The following KLHL1 variants were observed in gnomAD, a reference collection of about 807,000 sequenced individuals.
KLHL1 encodes the protein kelch like family member 1, also known as kelch-like protein 1.
Under a neutral mutation model 77.7 loss-of-function variants are expected in KLHL1, and 47 were observed. That is an observed-to-expected ratio of 0.60 (90% confidence interval 0.48 to 0.77). The LOEUF is 0.77. KLHL1 is among the 30% of genes least tolerant of loss of function. The pLI is 0.00. For synonymous variants in KLHL1, 360 were observed against 325.2 expected (o/e 1.11, Z -1.15); for missense variants, 925 against 910.8 (o/e 1.02, Z -0.20).
intron 1 of KLHL1, among the ~76,000 whole-genome samples, chr13:69,978,281 A>G (rs4612945): frequency 0.34 from 50,579 of 150,866 alleles, 9,156 homozygotes; most frequent in African/African-American, 0.47. Context: ...GTAGGCTGCC[A>G]AATGGACCAA....
intron 5 of KLHL1, among the ~76,000 whole-genome samples, chr13:69,854,440 C>G (rs1294617140): frequency 6.6e-6 from 1 of 151,900 alleles, no homozygotes; most frequent in Non-Finnish European, 1.5e-5. Flanking sequence ...AGGAGAGCAC[C>G]ATGCTACTCA....
rs2138195377 is a variant in KLHL1, at chr13:69,882,387, T to C, written c.1123A>G (p.Ile375Val). ...ACCCACATCATCAATGCATGGAAGA[T>C]GGTTTCTTCATCAGGAACATTGACA... is the stretch of plus-strand genomic sequence containing the variant. ...DDVNVPDEET[I>V]FHALMMWVKY... Residue 375 changes from isoleucine to valine, a missense_variant, in exon 5 of 11, where the codon ATC becomes GTC. Transcript: ENST00000377844. 5 of 1,613,508 alleles carry C rather than the reference T, an allele frequency of 3.1e-6. No homozygotes were observed. The Middle Eastern group carries it at 4.9e-4, about 160-fold the overall frequency.
At chr13:69,926,961 A>AAAAAAAAAAAAAAAAC (rs1882837293) in intron 4 of KLHL1, among the ~76,000 whole-genome samples, 1 of 149,158 alleles carries the variant, frequency 6.7e-6, no homozygotes, top group African/African-American at 2.4e-5. Flanking sequence ...AAAAAAAAAA[A>AAAAAAAAAAAAAAAAC]AAAAAAAAAG....
chr13:69,993,140 A>G lies in KLHL1; in HGVS notation c.498-17338T>C, dbSNP rs1446087220. Among the ~76,000 whole-genome samples the G allele has an allele frequency of 2.0e-5, 3 of 152,038 alleles. No individual in the cohort carries two copies. In the Admixed American group the frequency reaches 2.0e-4, roughly 10 times the overall value. On this transcript the variant is annotated intron_variant, in intron 1 of 10. Transcript: ENST00000377844. The stretch of plus-strand genomic sequence containing the variant: ...TCATGTTGGACCCCTATTGACTTCA[A>G]TAGGAATAACACTACGTTCTAGAGG...
At chr13:69,912,734 C>T (rs1400622056) in intron 4 of KLHL1, among the ~76,000 whole-genome samples, 3 of 152,144 alleles carry the variant, frequency 2.0e-5, no homozygotes, top group Non-Finnish European at 4.4e-5. Context: ...CTTATCTCAA[C>T]TCTGCTGGGA....
chr13:70,070,726 C>G (rs1251613843), intron 1 of KLHL1, among the ~76,000 whole-genome samples: 1 of 152,024 alleles, frequency 6.6e-6, no homozygotes, highest in Middle Eastern at 3.2e-3. Context: ...AACAGCAACA[C>G]TGTATTTGTT....
chr13:69,764,665 A>G (rs1425991798), intron 7 of KLHL1, among the ~76,000 whole-genome samples: 2 of 152,122 alleles, frequency 1.3e-5, no homozygotes, highest in East Asian at 3.9e-4. Context: ...TTCCTGCTCA[A>G]TGAGTGATCC....
intron 2 of KLHL1, among the ~76,000 whole-genome samples, chr13:69,974,259 T>G (rs1039940689): frequency 1.3e-5 from 2 of 151,078 alleles, no homozygotes; most frequent in African/African-American, 4.8e-5. Flanking sequence ...GTTTAATATA[T>G]TCTAAATATA....
intron 1 of KLHL1, among the ~76,000 whole-genome samples, 197 bp from the exon 2 acceptor site, chr13:69,975,999 G>T (rs1884535342): frequency 6.6e-6 from 1 of 151,934 alleles, no homozygotes; most frequent in South Asian, 2.1e-4. Flanking sequence ...TTGCTCTAGG[G>T]AATAATAAAT....
chr13:69,977,027 CA>C (rs1884564452), intron 1 of KLHL1, among the ~76,000 whole-genome samples: 1 of 152,046 alleles, frequency 6.6e-6, no homozygotes, highest in Admixed American at 6.6e-5. Context: ...AGAGTTGTAT[CA>C]GTGAAAATCT....
intron 8 of KLHL1, among the ~76,000 whole-genome samples, chr13:69,736,523 A>C (rs1289582641): frequency 1.3e-5 from 2 of 152,186 alleles, no homozygotes; most frequent in Non-Finnish European, 2.9e-5. Flanking sequence ...CATTTGATCC[A>C]GCAATCCCAC....
intron 1 of KLHL1, among the ~76,000 whole-genome samples, chr13:70,065,359 C>T (rs929157599): frequency 1.3e-5 from 2 of 152,128 alleles, no homozygotes; most frequent in Admixed American, 6.5e-5. Context: ...ACTCCAGATT[C>T]TTAGTCAAAT....
intron 1 of KLHL1, among the ~76,000 whole-genome samples, chr13:70,082,722 C>T (rs899883316): frequency 8.5e-5 from 13 of 152,056 alleles, no homozygotes; most frequent in Non-Finnish European, 5.9e-5. Flanking sequence ...CCCAGGTACC[C>T]ATGCCTATCA....
chr13:69,887,896 A>G (rs1881277647), intron 4 of KLHL1, among the ~76,000 whole-genome samples: 1 of 152,202 alleles, frequency 6.6e-6, no homozygotes, highest in Non-Finnish European at 1.5e-5. Flanking sequence ...TTCATTATGT[A>G]GTTCCAAAGC....
chr13:69,957,178 G>A (rs1171049133), intron 3 of KLHL1, among the ~76,000 whole-genome samples: 1 of 151,602 alleles, frequency 6.6e-6, no homozygotes, highest in Non-Finnish European at 1.5e-5. Context: ...AGCTGCATTA[G>A]GTACAGGAAA....
intron 7 of KLHL1, among the ~76,000 whole-genome samples, chr13:69,741,581 T>C (rs1424301): frequency 0.2 from 31,108 of 152,002 alleles, 3,292 homozygotes; most frequent in South Asian, 0.3. Flanking sequence ...CCAATTCCCA[T>C]AGGGTGATCC....
chr13:69,872,329 A>G (rs747192949), intron 5 of KLHL1, among the ~76,000 whole-genome samples: 3 of 151,760 alleles, frequency 2.0e-5, no homozygotes, highest in South Asian at 4.1e-4. Flanking sequence ...CTCCTGCCCT[A>G]CAGCCTCCTG....
intron 1 of KLHL1, among the ~76,000 whole-genome samples, chr13:70,058,376 A>G (rs1314886883): frequency 6.6e-6 from 1 of 152,228 alleles, no homozygotes; most frequent in Non-Finnish European, 1.5e-5. Flanking sequence ...TAAATTCAGT[A>G]AAGTTATAGG....
chr13:69,957,293 A>C (rs1883921040), intron 3 of KLHL1, among the ~76,000 whole-genome samples: 1 of 151,764 alleles, frequency 6.6e-6, no homozygotes, highest in Admixed American at 6.6e-5. Flanking sequence ...ACAAAAGTAA[A>C]GGGCTTTTGC....
Sources: allele counts gnomAD v4.1 joint callset (sites outside exome capture counted in the v4.1 genomes callset), GRCh38; gene constraint gnomAD v4.1.1; transcripts MANE v1.5; gene names NCBI Gene and HGNC (gene_info 2026-07-23, HGNC 2026-07-21).